Variants in RPGRIP1 observed in about 807,000 individuals in gnomAD.
RPGRIP1 encodes RPGR interacting protein 1.
A neutral mutation model predicts 157.9 loss-of-function variants in RPGRIP1; 128 were observed. The observed-to-expected ratio is 0.81, with a 90% confidence interval of 0.70 to 0.94. RPGRIP1 has a LOEUF of 0.94. Among genes scored for constraint, RPGRIP1 ranks in the 40% least tolerant of loss-of-function variants. The probability of loss-of-function intolerance (pLI) is 0.00; values close to 1 mark genes in which losing one functional copy is unlikely to be tolerated. For synonymous variants in RPGRIP1, 554 were observed against 571.6 expected (o/e 0.97, Z 0.44); for missense variants, 1,486 against 1,545.8 (o/e 0.96, Z 0.65).
In RPGRIP1 at chr14:21,341,008, G is replaced by A. The variant is rs1462733726; in HGVS notation, c.3340-2028G>A. On this transcript the variant is annotated intron_variant, in intron 21 of 24. Transcript: ENST00000400017. ...TTTGGGAGAGTTGGATGTTATGGGA[G>A]GGTTATTAAGAGAAAAACATCAAAT... 1.3e-5 allele frequency among the ~76,000 whole-genome samples: 2 copies of A among 152,084 alleles called. 1 individual carries two copies. The highest frequency in any genetic ancestry group is 4.1e-4 in the South Asian group (2 of 4,832).
At chr14:21,312,044 A>G in intron 9 of RPGRIP1, 74 bp downstream of exon 9, 1 of 1,341,390 alleles carries the variant, frequency 7.5e-7, no homozygotes, top group South Asian at 1.3e-5. Context: ...CTTAGCAACA[A>G]TATGAGTATT....
Position 21,298,941 on chromosome 14 carries a change from T to TAAAAAAA in RPGRIP1, c.219-2008_219-2002dup, listed in dbSNP as rs10555165. 1.1e-4 allele frequency among the ~76,000 whole-genome samples: 9 copies of TAAAAAAA among 82,520 alleles called. No individual in the cohort carries two copies. The South Asian group carries it at 3.0e-3, about 27-fold the overall frequency. The allele number at this position is 82,520 out of a possible 152,430, so 54.1% of individuals were successfully genotyped here. A position where few individuals can be genotyped will look rare whatever the true frequency, so the allele number is the denominator to read the frequency against. Reference sequence around the variant, plus strand: ...AGCAACAGAGTGAGACTCTGTCTCATAAAAAAAAAAAAAAAAAAAAAAAGA... The same window carrying TAAAAAAA: ...AGCAACAGAGTGAGACTCTGTCTCATAAAAAAAAAAAAAAAAAAAAAAAAAAAAAAGA... On this transcript the variant is annotated intron_variant, in intron 3 of 24. Transcript: ENST00000400017.
At chr14:21,340,153 A>G (rs1237393732) in intron 21 of RPGRIP1, among the ~76,000 whole-genome samples, 1 of 152,146 alleles carries the variant, frequency 6.6e-6, no homozygotes, top group Admixed American at 6.6e-5. Context: ...AAAGAGTTTG[A>G]TTTACCTGAG....
At chr14:21,343,357 T>A (rs1885214305) in intron 22 of RPGRIP1, 129 bp downstream of exon 22, 1 of 720,244 alleles carries the variant, frequency 1.4e-6, no homozygotes, top group Non-Finnish European at 2.2e-6. Context: ...GTTCAAAGTG[T>A]TGTGTGCATG....
At chr14:21,281,257 T>C (rs1013646360) in intron 1 of RPGRIP1, among the ~76,000 whole-genome samples, 3 of 152,030 alleles carry the variant, frequency 2.0e-5, no homozygotes, top group Non-Finnish European at 2.9e-5. Context: ...CTCTTGATCT[T>C]GTGATCTGCC....
intron 21 of RPGRIP1, among the ~76,000 whole-genome samples, chr14:21,337,310 T>A (rs1884465879): frequency 6.6e-6 from 1 of 152,174 alleles, no homozygotes; most frequent in Non-Finnish European, 1.5e-5. Flanking sequence ...CTGATACTGA[T>A]GTGGCAAGAT....
chr14:21,315,857 G>A (rs1488228893), intron 10 of RPGRIP1, among the ~76,000 whole-genome samples: 1 of 150,244 alleles, frequency 6.7e-6, no homozygotes, highest in Non-Finnish European at 1.5e-5. Flanking sequence ...AGAGTGCACT[G>A]GTGTGATCTT....
chr14:21,303,639 G>A, intron 6 of RPGRIP1, 96 bp downstream of exon 6: 1 of 949,932 alleles, frequency 1.1e-6, no homozygotes, highest in South Asian at 1.5e-5. Flanking sequence ...GGAAAAGAGT[G>A]TTTGGGATTA....
intron 3 of RPGRIP1, among the ~76,000 whole-genome samples, chr14:21,298,822 C>T (rs566099463): frequency 6.6e-6 from 1 of 151,256 alleles, no homozygotes; most frequent in Admixed American, 6.6e-5. Flanking sequence ...CGCCTGTAAT[C>T]CCAGCTACTC....
At chr14:21,284,266 T>C (rs1880226978) in intron 1 of RPGRIP1, among the ~76,000 whole-genome samples, 1 of 152,214 alleles carries the variant, frequency 6.6e-6, no homozygotes, top group Non-Finnish European at 1.5e-5. Flanking sequence ...CTTCTCCAGT[T>C]GACAAGTCAA....
At position 21,307,771 on chromosome 14, in the gene RPGRIP1, A is replaced by C; in HGVS notation, c.841A>C (p.Lys281Gln). Residue 281 changes from lysine to glutamine, a missense_variant, in exon 7 of 25, where the codon AAG becomes CAG. Physicochemically the swap from Lys to Gln is moderately conservative, Grantham distance 53. Coordinates refer to ENST00000400017, the MANE Select transcript of RPGRIP1 (RefSeq NM_020366.4). Reference sequence around the variant, plus strand: ...GAAGGTAGAGCTGATTCGACTTAAGAAGCTCTTACATGAAAGAAATGCTTC... The same window carrying C: ...GAAGGTAGAGCTGATTCGACTTAAGCAGCTCTTACATGAAAGAAATGCTTC... ...KEKVELIRLK[K>Q]LLHERNASLV... is the part of the protein sequence containing the mutation. 1 of 1,569,530 alleles carries C rather than the reference A, an allele frequency of 6.4e-7. No individual in the cohort carries two copies. The highest frequency in any genetic ancestry group is 8.6e-7 in the Non-Finnish European group (1 of 1,156,858).
At chr14:21,331,937 T>A (rs1216070799) in intron 20 of RPGRIP1, among the ~76,000 whole-genome samples, 5 of 83,390 alleles carry the variant, frequency 6.0e-5, no homozygotes, top group Non-Finnish European at 1.1e-4. Context: ...ATATATATAA[T>A]TTTTTTTTTT....
At chr14:21,311,075 C>T (rs1301516636) in intron 8 of RPGRIP1, among the ~76,000 whole-genome samples, 1 of 152,204 alleles carries the variant, frequency 6.6e-6, no homozygotes, top group African/African-American at 2.4e-5. Flanking sequence ...CGAGACCACC[C>T]AGCTGTGCCT....
At chr14:21,312,791 C>T (rs1259432844) in intron 10 of RPGRIP1, among the ~76,000 whole-genome samples, 1 of 151,340 alleles carries the variant, frequency 6.6e-6, no homozygotes. Context: ...CGGGTTCAAA[C>T]GATTCTCCTG....
chr14:21,289,645 C>G (rs556969424), intron 2 of RPGRIP1, among the ~76,000 whole-genome samples: 33 of 152,070 alleles, frequency 2.2e-4, no homozygotes, highest in Non-Finnish European at 2.9e-4. Flanking sequence ...GATGCAACCA[C>G]TTTGGAAAAT....
chr14:21,286,839 A>G (rs1278909705), intron 1 of RPGRIP1, among the ~76,000 whole-genome samples: 3 of 152,048 alleles, frequency 2.0e-5, no homozygotes, highest in African/African-American at 7.2e-5. Flanking sequence ...TTTTGGAGAC[A>G]AAAGCATATA....
At chr14:21,298,941 TAAA>T (rs10555165) in intron 3 of RPGRIP1, among the ~76,000 whole-genome samples, 27,196 of 81,670 alleles carry the variant, frequency 0.33, 2,076 homozygotes, top group South Asian at 0.38. Context: ...CTCTGTCTCA[TAAA>T]AAAAAAAAAA....
chr14:21,327,813 T>G lies in RPGRIP1; in HGVS notation c.2895+6T>G. ...AGGCTTCATTTCCTTCCCAGGTAAC[T>G]CTCCAGGACTCCACAGGTAGCAGAT... On this transcript the variant is annotated splice_donor_region_variant and intron_variant, in intron 18 of 24. Transcript: ENST00000400017. The G allele has an allele frequency of 1.3e-6, 2 of 1,570,984 alleles. No homozygotes were observed. The highest frequency in any genetic ancestry group is 1.7e-6 in the Non-Finnish European group (2 of 1,158,764).
chr14:21,322,106 T>C (rs769167558), intron 14 of RPGRIP1, 102 bp downstream of exon 14: 201 of 964,500 alleles, frequency 2.1e-4, no homozygotes, highest in Non-Finnish European at 1.2e-4. Context: ...CTCATACCCT[T>C]AGCATATGAC....
Sources: gnomAD v4.1 joint callset for allele counts (sites outside exome capture counted in the v4.1 genomes callset) on GRCh38, gnomAD v4.1.1 for gene constraint, MANE v1.5 for transcripts, NCBI Gene and HGNC (gene_info 2026-07-23, HGNC 2026-07-21) for gene names.